MAP2K2: variants seen among roughly 807,000 people sequenced by gnomAD.
MAP2K2 encodes mitogen-activated protein kinase kinase 2, also known as dual specificity mitogen-activated protein kinase kinase 2.
Under a neutral mutation model 43.7 loss-of-function variants are expected in MAP2K2, and 24 were observed. That is an observed-to-expected ratio of 0.55 (90% confidence interval 0.40 to 0.77). The LOEUF (loss-of-function observed/expected upper bound fraction) is 0.77. MAP2K2 is among the 30% of genes least tolerant of loss of function. The probability of loss-of-function intolerance (pLI) is 0.00; values close to 1 mark genes in which losing one functional copy is unlikely to be tolerated. For missense variants in MAP2K2, 470 were observed against 566.8 expected (o/e 0.83, Z 1.73); for synonymous variants, 244 against 239.7 (o/e 1.02, Z -0.17).
chr19:4,108,097 C>T (rs549637676), intron 3 of MAP2K2, among the ~76,000 whole-genome samples: 24 of 152,232 alleles, frequency 1.6e-4, no homozygotes, highest in Non-Finnish European at 3.4e-4. Flanking sequence ...AGGTGAATTC[C>T]GAGAGCATCG....
In MAP2K2 at chr19:4,102,354, T is replaced by C. The variant is rs372641738; in HGVS notation, c.528+22A>G. On this transcript the variant is annotated intron_variant, in intron 4 of 10. Transcript: ENST00000262948. Reference sequence around the variant, plus strand: ...CGTGCAGAGTGCGGTGGGGGCGCGATGTGGGTCTGCGGTGGACTCACCGCG... The same window carrying C: ...CGTGCAGAGTGCGGTGGGGGCGCGACGTGGGTCTGCGGTGGACTCACCGCG... The C allele has an allele frequency of 7.5e-5, 118 of 1,575,494 alleles. 3 individuals carry two copies. The South Asian group carries it at 1.2e-3, about 16-fold the overall frequency.
At chr19:4,102,139 ACT>A (rs1303503157) in intron 4 of MAP2K2, among the ~76,000 whole-genome samples, 7 of 152,244 alleles carry the variant, frequency 4.6e-5, no homozygotes, top group Admixed American at 4.6e-4. Flanking sequence ...AACAGAGGAT[ACT>A]AAGAGTGAAG....
chr19:4,091,924 C>T (rs1012928614), intron 10 of MAP2K2, among the ~76,000 whole-genome samples: 6 of 152,164 alleles, frequency 3.9e-5, no homozygotes, highest in African/African-American at 1.4e-4. Flanking sequence ...ACCGGGATTA[C>T]AGGTGTGAGC....
intron 2 of MAP2K2, among the ~76,000 whole-genome samples, chr19:4,112,450 C>T (rs1200791336): frequency 2.6e-5 from 4 of 152,188 alleles, no homozygotes; most frequent in East Asian, 1.9e-4. Context: ...TCAGCGGGCA[C>T]GGAGGCATGA....
intron 10 of MAP2K2, among the ~76,000 whole-genome samples, chr19:4,094,035 G>A (rs980835717): frequency 1.6e-4 from 24 of 152,288 alleles, no homozygotes; most frequent in African/African-American, 2.4e-4. Flanking sequence ...ACCGAAGTAC[G>A]CACGGCCTCG....
chr19:4,112,442 A>T (rs2145073141), intron 2 of MAP2K2, among the ~76,000 whole-genome samples: 1 of 152,346 alleles, frequency 6.6e-6, no homozygotes, highest in African/African-American at 2.4e-5. Flanking sequence ...GCCGCCTGTC[A>T]GCGGGCACGG....
chr19:4,101,539 C>A lies in MAP2K2; in HGVS notation c.529-259G>T, dbSNP rs940512849. ...GCCGATGCCACTACTGCCTTTGATT[C>A]AGAGCACACGGCTTAGCCCCAGGGA... On this transcript the variant is annotated intron_variant, in intron 4 of 10. Transcript: ENST00000262948. The surrounding 1 kb of genome is among the most constrained non-coding windows in gnomAD (Gnocchi z 6.3). Among the ~76,000 whole-genome samples, 2 of 152,228 alleles carry A rather than the reference C, an allele frequency of 1.3e-5. No homozygotes were observed. Among genetic ancestry groups the A allele is most frequent in the African/African-American group, 4.8e-5 (2 of 41,460 alleles).
At chr19:4,112,644 C>CCCTGGCACTG (rs1568261167) in intron 2 of MAP2K2, among the ~76,000 whole-genome samples, 1 of 151,918 alleles carries the variant, frequency 6.6e-6, no homozygotes, top group African/African-American at 2.4e-5. Context: ...TTGACCGCAG[C>CCCTGGCACTG]CCTGGCGCTG....
chr19:4,107,681 T>C (rs2041102133), intron 3 of MAP2K2, among the ~76,000 whole-genome samples: 1 of 151,970 alleles, frequency 6.6e-6, no homozygotes, highest in Non-Finnish European at 1.5e-5. Context: ...CACTCCAACC[T>C]GGGTGACAGA....
rs570759454 is a variant in MAP2K2, at chr19:4,124,069, C to T, written c.-194G>A. On this transcript the variant is annotated 5_prime_UTR_variant, in exon 1 of 11. Coordinates refer to ENST00000262948, the MANE Select transcript of MAP2K2 (RefSeq NM_030662.4). Reference sequence around the variant, plus strand: ...GGCGCTGGGGCTGAGGCGAGCGAGCCGCTACCGCTGCCGAGGCCCGAAGAA... The same window carrying T: ...GGCGCTGGGGCTGAGGCGAGCGAGCTGCTACCGCTGCCGAGGCCCGAAGAA... The T allele has an allele frequency of 9.5e-6, 2 of 210,476 alleles. No homozygotes were observed. Among genetic ancestry groups the T allele is most frequent in the East Asian group, 1.4e-4 (2 of 14,414 alleles). 13.0% of individuals were successfully genotyped at this position (210,476 alleles called of 1,614,324 possible). A position where few individuals can be genotyped will look rare whatever the true frequency, so the allele number is the denominator to read the frequency against.
rs573730409 is a variant in MAP2K2, at chr19:4,101,162, G to A, written c.581-19C>T. The A allele has an allele frequency of 7.5e-5, 121 of 1,605,274 alleles. 1 individual carries two copies. In the South Asian group the frequency reaches 1.0e-3, roughly 13 times the overall value. Reference sequence around the variant, plus strand: ...TTCACATCTGGAGGCGGCAGGCTGCGGGTGAGGGGCGCCCAACAGTTGCCT... The same window carrying A: ...TTCACATCTGGAGGCGGCAGGCTGCAGGTGAGGGGCGCCCAACAGTTGCCT... On this transcript the variant is annotated intron_variant, in intron 5 of 10. Coordinates refer to ENST00000262948, the MANE Select transcript of MAP2K2 (RefSeq NM_030662.4). This position sits in a 1 kb window ranked among gnomAD's most constrained non-coding sequence, Gnocchi z 6.3.
At chr19:4,097,403 G>A (rs193230211) in intron 7 of MAP2K2, 60 bp from the exon 8 acceptor site, 2 of 1,365,622 alleles carry the variant, frequency 1.5e-6, no homozygotes, top group Non-Finnish European at 2.1e-6. Flanking sequence ...TCTGCTGGGG[G>A]TTGGGCTCCC....
intron 3 of MAP2K2, chr19:4,103,266 A>T (rs537212398): frequency 2.0e-5 from 20 of 984,944 alleles, no homozygotes; most frequent in Middle Eastern, 1.0e-3. Context: ...CCCCACATCC[A>T]TGTCATAAAT....
chr19:4,095,398 C>T lies in MAP2K2; in HGVS notation c.1036G>A (p.Val346Ile), dbSNP rs1015139062. The T allele has an allele frequency of 1.3e-6, 2 of 1,551,242 alleles. No individual in the cohort carries two copies. The highest frequency in any genetic ancestry group is 1.4e-5 in the African/African-American group (1 of 73,168). Residue 346 changes from valine to isoleucine, a missense_variant, in exon 9 of 11, where the codon GTC becomes ATC. This residue lies in a region of MAP2K2 where 212 missense variants were observed against 220.8 expected (regional missense o/e 0.96). Transcript: ENST00000262948. ...GVFTPDFQEF[V>I]NKCLIKNPAE... is the part of the protein sequence containing the mutation. ...CCCGGCTCCACCTACCATTTATTGA[C>T]AAACTCCTGGAAGTCGGGGGTGAAC...
Position 4,109,762 on chromosome 19 carries a change from C to T in MAP2K2, c.450+747G>A, listed in dbSNP as rs2041131252. Among the ~76,000 whole-genome samples, 3 of 152,126 alleles carry T rather than the reference C, an allele frequency of 2.0e-5. 1 individual carries two copies. The highest frequency in any genetic ancestry group is 2.0e-4 in the Admixed American group (3 of 15,258). ...AAATGGTAGGATTACAGGCATGAGCCACCGTGCCCGGCCTAATAGGGATCA... is the reference window on the plus strand; with the variant it reads ...AAATGGTAGGATTACAGGCATGAGCTACCGTGCCCGGCCTAATAGGGATCA... On this transcript the variant is annotated intron_variant, in intron 3 of 10. Transcript: ENST00000262948.
At chr19:4,117,716 A>C in intron 1 of MAP2K2, 87 bp from the exon 2 acceptor site, 5 of 1,153,500 alleles carry the variant, frequency 4.3e-6, no homozygotes, top group East Asian at 2.3e-5. Flanking sequence ...ATCGGCCCCC[A>C]GGAGGACACA....
chr19:4,104,673 G>A (rs575586264), intron 3 of MAP2K2: 2 of 152,336 alleles, frequency 1.3e-5, no homozygotes, highest in African/African-American at 4.8e-5. Context: ...TTCCGTCTTC[G>A]TTTCTCCTGG....
chr19:4,099,971 C>T (rs562193596), intron 6 of MAP2K2: 32 of 169,260 alleles, frequency 1.9e-4, no homozygotes, highest in Non-Finnish European at 3.7e-4. Flanking sequence ...CCAAGGCTGC[C>T]GGGCACGGTG....
At chr19:4,099,543 G>A in intron 6 of MAP2K2, 129 bp from the exon 7 acceptor site, 1 of 764,200 alleles carries the variant, frequency 1.3e-6, no homozygotes, top group Non-Finnish European at 2.2e-6. Flanking sequence ...ATAGAGAGCT[G>A]TTACGCAATT....
Sources: gnomAD v4.1 joint callset for allele counts (sites outside exome capture counted in the v4.1 genomes callset) on GRCh38, gnomAD v4.1.1 for gene constraint, gnomAD v4.1.1 regional missense constraint, Gnocchi (gnomAD v3.1) non-coding constraint, MANE v1.5 for transcripts, NCBI Gene and HGNC (gene_info 2026-07-23, HGNC 2026-07-21) for gene names.